TET2: variants seen among roughly 807,000 people sequenced by gnomAD.
TET2 encodes the protein tet methylcytosine dioxygenase 2.
Under a neutral mutation model 142.9 loss-of-function variants are expected in TET2, and 299 were observed. That is an observed-to-expected ratio of 2.09 (90% CI 1.90 to 2.30). The LOEUF is 2.30. Among genes scored for constraint, TET2 ranks in the 30% most tolerant of loss-of-function variants. TET2 has a pLI of 0.00. For synonymous variants in TET2, 819 were observed against 849.0 expected (o/e 0.96, Z 0.61); for missense variants, 2,418 against 2,378.0 (o/e 1.02, Z -0.35).
chr4:105,157,836 C>G (rs961389989), intron 1 of TET2, among the ~76,000 whole-genome samples: 1 of 152,072 alleles, frequency 6.6e-6, no homozygotes, highest in African/African-American at 2.4e-5. Flanking sequence ...GCCACCATGC[C>G]TGGCTAATTT....
chr4:105,234,727 G>A lies in TET2; in HGVS notation c.785G>A (p.Cys262Tyr). ...INSQATNELS[C>Y]EITHPSHTSG... ...AGTCAGGCTACTAATGAGTTGTCCT[G>A]TGAGATCACTCACCCATCGCATACC... The change falls in exon 3 of 11, where the codon TGT (cysteine) becomes TAT (tyrosine). Residue 262 changes from cysteine (C) to tyrosine (Y), a missense_variant. Coordinates refer to ENST00000380013, the MANE Select transcript of TET2 (RefSeq NM_001127208.3). The A allele has an allele frequency of 6.2e-7, 1 of 1,614,002 alleles. No individual in the cohort carries two copies. Among genetic ancestry groups the A allele is most frequent in the Non-Finnish European group, 8.5e-7 (1 of 1,180,006 alleles).
At position 105,237,098 on chromosome 4, in the gene TET2, GC is replaced by G; in HGVS notation, c.3157del (p.Gln1053LysfsTer2). 1 of 1,614,106 alleles carries G rather than the reference GC, an allele frequency of 6.2e-7. No individual in the cohort carries two copies. ...HKALTLKSQK[Q>X]VKVEMSGPVT... ...AGGCTCTTACTCTCAAATCACAGAA[GC>G]AAGTAAAAGTTGAAATGTCAGGGCC... On this transcript the variant is annotated frameshift_variant, in exon 3 of 11. Coordinates refer to ENST00000380013, the MANE Select transcript of TET2 (RefSeq NM_001127208.3). LOFTEE classifies it high-confidence loss of function.
chr4:105,185,696 G>A (rs986141813), intron 1 of TET2, among the ~76,000 whole-genome samples: 5 of 152,082 alleles, frequency 3.3e-5, no homozygotes, highest in African/African-American at 1.2e-4. Flanking sequence ...GGAGAATGGC[G>A]TGAACCGGGG....
chr4:105,272,086 G>GT (rs1730990287), intron 9 of TET2, among the ~76,000 whole-genome samples: 1 of 152,170 alleles, frequency 6.6e-6, no homozygotes, highest in Non-Finnish European at 1.5e-5. Context: ...TCAGGTATGT[G>GT]AAAAGACATG....
chr4:105,242,185 T>C (rs1729341852), intron 4 of TET2: 1 of 1,113,012 alleles, frequency 9.0e-7, no homozygotes, highest in Non-Finnish European at 1.1e-6. Flanking sequence ...TTCCAAATTA[T>C]TCATTTCTAA....
In TET2 at chr4:105,275,606, A is replaced by T; in HGVS notation, c.5096A>T (p.Gln1699Leu). The change falls in exon 11 of 11, where the codon CAA (glutamine) becomes CTA (leucine). Residue 1699 changes from glutamine (Q) to leucine (L), a missense_variant. Coordinates refer to ENST00000380013, the MANE Select transcript of TET2 (RefSeq NM_001127208.3). ...FTSKYLGYGNQNMQGDGFSSC... is the reference protein window; with the variant it reads ...FTSKYLGYGNLNMQGDGFSSC... Reference sequence around the variant, plus strand: ...TCTAAATACTTAGGTTATGGAAACCAAAATATGCAGGGAGATGGTTTCAGC... The same window carrying T: ...TCTAAATACTTAGGTTATGGAAACCTAAATATGCAGGGAGATGGTTTCAGC... 1 of 1,551,858 alleles carries T rather than the reference A, an allele frequency of 6.4e-7. No homozygotes were observed. The highest frequency in any genetic ancestry group is 8.7e-7 in the Non-Finnish European group (1 of 1,147,012).
chr4:105,196,720 C>T (rs995773741), intron 2 of TET2, among the ~76,000 whole-genome samples: 1 of 152,182 alleles, frequency 6.6e-6, no homozygotes, highest in Non-Finnish European at 1.5e-5. Context: ...CACTGTTGTT[C>T]CTCAAACATC....
chr4:105,245,710 A>G (rs1352057703), intron 6 of TET2, among the ~76,000 whole-genome samples: 1 of 152,158 alleles, frequency 6.6e-6, no homozygotes, highest in African/African-American at 2.4e-5. Flanking sequence ...GGTGCCTTTA[A>G]TTAGAAAAAA....
Position 105,235,533 on chromosome 4 carries a change from C to T in TET2, c.1591C>T (p.Gln531Ter), listed in dbSNP as rs2110228233. Residue 531 changes from glutamine to a stop codon, truncating the protein, a stop_gained, in exon 3 of 11, where the codon CAG becomes TAG. Transcript: ENST00000380013. LOFTEE classifies it high-confidence loss of function. ...TGGAGAGCTACAGGACAACTGCCAG[C>T]AGTTGATGAGAAACAAAGAGCAAGA... ...SSGELQDNCQ[Q>*]LMRNKEQEIL... 1.9e-6 allele frequency: 3 copies of T among 1,614,166 alleles called. No homozygotes were observed. Among genetic ancestry groups the T allele is most frequent in the Non-Finnish European group, 2.5e-6 (3 of 1,180,016 alleles).
intron 6 of TET2, among the ~76,000 whole-genome samples, chr4:105,259,036 A>G (rs1318088452): frequency 6.6e-6 from 1 of 152,180 alleles, no homozygotes; most frequent in Admixed American, 6.6e-5. Flanking sequence ...AAAAGCACAC[A>G]CAAATAAGCT....
Position 105,276,664 on chromosome 4 carries a change from A to G in TET2, c.*145A>G, listed in dbSNP as rs1731238390. The G allele has an allele frequency of 1.1e-6, 1 of 937,028 alleles. No homozygotes were observed. Among genetic ancestry groups the G allele is most frequent in the Non-Finnish European group, 1.5e-6 (1 of 645,896 alleles). 58.0% of individuals were successfully genotyped at this position (937,028 alleles called of 1,614,324 possible). ...AAAAACCTCAGCTCACCAGCAACAAAAGAGGTTATCTTACCATAGCACTTA... is the reference window on the plus strand; with the variant it reads ...AAAAACCTCAGCTCACCAGCAACAAGAGAGGTTATCTTACCATAGCACTTA... On this transcript the variant is annotated 3_prime_UTR_variant, in exon 11 of 11. Coordinates refer to ENST00000380013, the MANE Select transcript of TET2 (RefSeq NM_001127208.3).
chr4:105,264,798 T>C (rs1265227803), intron 8 of TET2, among the ~76,000 whole-genome samples: 1 of 152,138 alleles, frequency 6.6e-6, no homozygotes, highest in Non-Finnish European at 1.5e-5. Context: ...GGAAGACCAT[T>C]TGATGTTATA....
intron 1 of TET2, among the ~76,000 whole-genome samples, chr4:105,186,408 A>G (rs1307226245): frequency 6.7e-6 from 1 of 149,578 alleles, no homozygotes; most frequent in Non-Finnish European, 1.5e-5. Context: ...TGATTTTTTT[A>G]TAACTCTCAA....
intron 9 of TET2, among the ~76,000 whole-genome samples, chr4:105,270,946 T>C (rs1730924486): frequency 6.6e-6 from 1 of 152,102 alleles, no homozygotes; most frequent in Non-Finnish European, 1.5e-5. Context: ...CTGAAGTAAT[T>C]TGAAGAAGCT....
chr4:105,191,010 T>C (rs142502059), intron 2 of TET2, among the ~76,000 whole-genome samples: 17 of 152,302 alleles, frequency 1.1e-4, no homozygotes, highest in African/African-American at 4.1e-4. Context: ...AACTAAATTA[T>C]GGAATGGCAG....
intron 6 of TET2, among the ~76,000 whole-genome samples, chr4:105,250,805 C>T (rs192731378): frequency 1.6e-4 from 25 of 152,110 alleles, no homozygotes; most frequent in Non-Finnish European, 3.2e-4. Context: ...GATTCTCCTG[C>T]CTCAGCTGGA....
chr4:105,242,954 G>A (rs891436925), intron 5 of TET2, 27 bp downstream of exon 5: 2 of 1,531,734 alleles, frequency 1.3e-6, no homozygotes, highest in Non-Finnish European at 1.8e-6. Context: ...AAAGCCTTTG[G>A]TCTTAAATCT....
At chr4:105,171,806 T>G (rs1323604730) in intron 1 of TET2, 1 of 152,218 alleles carries the variant, frequency 6.6e-6, no homozygotes, top group South Asian at 2.1e-4. Flanking sequence ...ACTATTCTCT[T>G]TCTTCCAGAT....
At chr4:105,185,540 G>A (rs112241928) in intron 1 of TET2, among the ~76,000 whole-genome samples, 6 of 152,158 alleles carry the variant, frequency 3.9e-5, no homozygotes, top group African/African-American at 9.6e-5. Flanking sequence ...CAGCACTTTC[G>A]GAGGCCGAGG....
Sources: allele counts gnomAD v4.1 joint callset (sites outside exome capture counted in the v4.1 genomes callset), GRCh38; gene constraint gnomAD v4.1.1; transcripts MANE v1.5; gene names NCBI Gene and HGNC (gene_info 2026-07-23, HGNC 2026-07-21).